DLGAP4: variants seen among roughly 807,000 people sequenced by gnomAD.
The protein encoded by DLGAP4 is disks large-associated protein 4.
DLGAP4 carries 18 observed loss-of-function variants against 86.9 expected under a neutral mutation model. The ratio of observed to expected loss-of-function variants is 0.21; its 90% CI spans 0.14 to 0.31. The LOEUF (loss-of-function observed/expected upper bound fraction) is 0.31. DLGAP4 is among the 10% of genes least tolerant of loss of function. The pLI is 1.00. For missense variants in DLGAP4, 1,085 were observed against 1,362.6 expected (o/e 0.80, Z 3.21); for synonymous variants, 548 against 574.3 (o/e 0.95, Z 0.65).
chr20:36,517,239 C>A (rs1013856843), intron 10 of DLGAP4, among the ~76,000 whole-genome samples: 1 of 151,698 alleles, frequency 6.6e-6, no homozygotes. Context: ...ATCAGCCAGG[C>A]GTGGTGCGGG....
intron 1 of DLGAP4, among the ~76,000 whole-genome samples, chr20:36,313,377 T>C (rs1332568734): frequency 6.6e-6 from 1 of 152,116 alleles, no homozygotes; most frequent in African/African-American, 2.4e-5. Context: ...AGTGGGAGGC[T>C]CAGGACTGGA....
At chr20:36,366,249 C>T (rs905601652) in intron 1 of DLGAP4, among the ~76,000 whole-genome samples, 4 of 151,588 alleles carry the variant, frequency 2.6e-5, no homozygotes, top group Non-Finnish European at 4.4e-5. Flanking sequence ...TTAGTAGAGA[C>T]GGGGTTTTAC....
chr20:36,414,690 G>C (rs144218361), intron 2 of DLGAP4, among the ~76,000 whole-genome samples: 98 of 152,272 alleles, frequency 6.4e-4, no homozygotes, highest in African/African-American at 2.3e-3. Flanking sequence ...CAACTCACAG[G>C]CTTTAGAGAG....
chr20:36,345,910 AC>A (rs1287852177), intron 1 of DLGAP4, among the ~76,000 whole-genome samples: 3 of 152,020 alleles, frequency 2.0e-5, no homozygotes, highest in Non-Finnish European at 4.4e-5. Flanking sequence ...GGCACTTACC[AC>A]CACACCAGGC....
At position 36,310,180 on chromosome 20, in the gene DLGAP4, AAAAGAAAGAAAGAAAGAAAGAAAG is replaced by A. The variant is rs1161085107; in HGVS notation, c.-304+3708_-304+3731del. Among the ~76,000 whole-genome samples the A allele has an allele frequency of 9.3e-3, 1,154 of 124,172 alleles. 63 individuals carry two copies. Among genetic ancestry groups the A allele is most frequent in the South Asian group, 0.059 (238 of 4,044 alleles). 81.5% of individuals were successfully genotyped at this position (124,172 alleles called of 152,430 possible). ...GAGACCCTGTCTCTACAAAAAAAAAAAAAGAAAGAAAGAAAGAAAGAAAGAAAGAAAGAAAGAAAGAAAGAAAGA... is the reference window on the plus strand; with the variant it reads ...GAGACCCTGTCTCTACAAAAAAAAAAAAAGAAAGAAAGAAAGAAAGAAAGA... On this transcript the variant is annotated intron_variant, in intron 1 of 12. Transcript: ENST00000339266.
intron 2 of DLGAP4, among the ~76,000 whole-genome samples, chr20:36,401,963 C>G (rs915957584): frequency 6.6e-6 from 1 of 152,152 alleles, no homozygotes; most frequent in Non-Finnish European, 1.5e-5. Flanking sequence ...TGGCTGGAGC[C>G]GAGTGAATGA....
chr20:36,413,998 A>T (rs1305424903), intron 2 of DLGAP4, among the ~76,000 whole-genome samples: 2 of 152,212 alleles, frequency 1.3e-5, no homozygotes. Flanking sequence ...AATAGGGTCC[A>T]GACCTGTTCT....
intron 2 of DLGAP4, among the ~76,000 whole-genome samples, chr20:36,426,247 G>A (rs142104254): frequency 6.6e-6 from 1 of 152,286 alleles, no homozygotes; most frequent in African/African-American, 2.4e-5. Context: ...CAGGCATAGG[G>A]CTCACATCTG....
intron 2 of DLGAP4, among the ~76,000 whole-genome samples, chr20:36,369,820 A>C (rs1226569196): frequency 6.6e-6 from 1 of 152,258 alleles, no homozygotes; most frequent in African/African-American, 2.4e-5. Flanking sequence ...TTGTAAAAAT[A>C]ATAGCTAATG....
At chr20:36,514,148 A>G (rs1425359817) in intron 10 of DLGAP4, among the ~76,000 whole-genome samples, 1 of 116,746 alleles carries the variant, frequency 8.6e-6, no homozygotes, top group African/African-American at 5.6e-5. Context: ...AGCCACCTGA[A>G]CAACGTTCTC....
chr20:36,318,782 C>T (rs2065137313), intron 1 of DLGAP4, among the ~76,000 whole-genome samples: 1 of 152,182 alleles, frequency 6.6e-6, no homozygotes, highest in Admixed American at 6.5e-5. Context: ...ATGAGGTGTT[C>T]ATAGCAGTGA....
At chr20:36,403,197 G>T (rs907442980) in intron 2 of DLGAP4, among the ~76,000 whole-genome samples, 2 of 152,218 alleles carry the variant, frequency 1.3e-5, no homozygotes, top group Admixed American at 6.5e-5. Context: ...CCAAGTCAAG[G>T]TGCTGGCATC....
chr20:36,447,903 G>GT (rs917354195), intron 7 of DLGAP4, among the ~76,000 whole-genome samples: 22 of 125,906 alleles, frequency 1.7e-4, no homozygotes, highest in South Asian at 6.1e-4. Context: ...CAGGGGGGTG[G>GT]GGGGGGGGGA....
intron 11 of DLGAP4, chr20:36,525,405 GTGTT>G (rs1300393611): frequency 2.7e-5 from 6 of 220,218 alleles, no homozygotes; most frequent in Non-Finnish European, 4.6e-5. Flanking sequence ...AGTGGAGTGA[GTGTT>G]TGTCTCCAAG....
chr20:36,440,916 G>C (rs555628029), intron 5 of DLGAP4, among the ~76,000 whole-genome samples: 41 of 152,020 alleles, frequency 2.7e-4, no homozygotes, highest in Non-Finnish European at 5.0e-4. Flanking sequence ...AGAAGGCTTT[G>C]GGACCCCGAC....
At chr20:36,504,990 C>CTTT (rs757067668) in intron 10 of DLGAP4, among the ~76,000 whole-genome samples, 1 of 140,232 alleles carries the variant, frequency 7.1e-6, no homozygotes, top group Non-Finnish European at 1.6e-5. Flanking sequence ...CACACAGGTT[C>CTTT]TTTTTTTTTT....
intron 1 of DLGAP4, among the ~76,000 whole-genome samples, chr20:36,321,506 C>T (rs782707931): frequency 2.6e-4 from 39 of 152,264 alleles, no homozygotes; most frequent in Non-Finnish European, 4.1e-4. Context: ...GCTTCCACCT[C>T]GGATGTGCTC....
intron 2 of DLGAP4, among the ~76,000 whole-genome samples, chr20:36,429,363 G>T (rs1048977358): frequency 6.8e-6 from 1 of 146,506 alleles, no homozygotes; most frequent in East Asian, 2.0e-4. Flanking sequence ...ACAGATATGA[G>T]AAACCATGGC....
intron 2 of DLGAP4, among the ~76,000 whole-genome samples, chr20:36,388,265 A>T (rs546711574): frequency 6.6e-6 from 1 of 152,120 alleles, no homozygotes; most frequent in Non-Finnish European, 1.5e-5. Flanking sequence ...ATAGCATGAC[A>T]CTGTCAGGCA....
Sources: gnomAD v4.1 joint callset for allele counts (sites outside exome capture counted in the v4.1 genomes callset) on GRCh38, gnomAD v4.1.1 for gene constraint, MANE v1.5 for transcripts, NCBI Gene and HGNC (gene_info 2026-07-23, HGNC 2026-07-21) for gene names.